Variants in KARS1 observed in about 807,000 individuals in gnomAD.
KARS1 encodes the protein lysine--tRNA ligase.
In KARS1, 50 loss-of-function variants were observed where a neutral mutation model predicts 63.9. The observed-to-expected ratio is 0.78, with a 90% CI of 0.62 to 0.99. The LOEUF (loss-of-function observed/expected upper bound fraction) is 0.99, where lower values mean the gene tolerates loss of function less well. Among genes scored for constraint, KARS1 ranks in the 50% least tolerant of loss-of-function variants. KARS1 has a pLI of 0.00. For synonymous variants in KARS1, 320 were observed against 264.6 expected, an observed-to-expected ratio of 1.21 and a Z score of -2.03; for missense variants, 816 against 754.5, an observed-to-expected ratio of 1.08 and a Z score of -0.95.
In KARS1 at chr16:75,631,495, GA is replaced by G. The variant is rs1567499005; in HGVS notation, c.1172del (p.Phe391SerfsTer7). The G allele has an allele frequency of 6.2e-7, 1 of 1,614,080 alleles. No homozygotes were observed. Among genetic ancestry groups the G allele is most frequent in the Admixed American group, 1.7e-5 (1 of 60,006 alleles). ...QAYDVDFTPP[F>X]RRINMVEELE... is the part of the protein sequence containing the mutation. The stretch of plus-strand genomic sequence containing the variant: ...GCTCTTCTACCATGTTGATTCGCCG[GA>G]AGGGTGGGGTGAAGTCAACATCGTA... On this transcript the variant is annotated frameshift_variant, in exon 9 of 14. Coordinates refer to ENST00000302445, the MANE Select transcript of KARS1 (RefSeq NM_005548.3). LOFTEE classifies it high-confidence loss of function.
chr16:75,629,636 G>A, intron 11 of KARS1, 95 bp from the exon 12 acceptor site: 4 of 1,346,554 alleles, frequency 3.0e-6, no homozygotes, highest in South Asian at 2.3e-5. Flanking sequence ...GTCTCGCTCT[G>A]TCACGCAGGC....
rs1202598972 is a variant in KARS1, at chr16:75,635,732, G to A, written c.743C>T (p.Ser248Phe). 6.2e-6 allele frequency: 10 copies of A among 1,614,030 alleles called. No homozygotes were observed. Among genetic ancestry groups the A allele is most frequent in the Non-Finnish European group, 8.5e-7 (1 of 1,179,992 alleles). Residue 248 changes from serine to phenylalanine, a missense_variant, in exon 6 of 14, where the codon TCT (serine) becomes TTT (phenylalanine). Ser to Phe is a radical substitution (Grantham distance 155, BLOSUM62 -2). Coordinates refer to ENST00000302445, the MANE Select transcript of KARS1 (RefSeq NM_005548.3). Reference sequence around the variant, plus strand: ...ACTTCTTATATATGTGATGATCTTAGAGCGGATGATAAATTTCTGCCTCAC... The same window carrying A: ...ACTTCTTATATATGTGATGATCTTAAAGCGGATGATAAATTTCTGCCTCAC... ...DFVRQKFIIR[S>F]KIITYIRSFL...
At position 75,635,857 on chromosome 16, in the gene KARS1, T is replaced by G. The variant is rs1461437974; in HGVS notation, c.670-52A>C. On this transcript the variant is annotated intron_variant, in intron 5 of 13. Transcript: ENST00000302445. Reference sequence around the variant, plus strand: ...CACTGGTATGTCTGATCCAAAGGTATGATAAAACAAACAGAAAGCTAGGAG... The same window carrying G: ...CACTGGTATGTCTGATCCAAAGGTAGGATAAAACAAACAGAAAGCTAGGAG... 5.0e-6 allele frequency: 8 copies of G among 1,613,920 alleles called. No individual in the cohort carries two copies. In the African/African-American group the frequency reaches 5.3e-5, roughly 11 times the overall value.
intron 1 of KARS1, among the ~76,000 whole-genome samples, chr16:75,644,122 T>A (rs2082254628): frequency 6.6e-6 from 1 of 152,240 alleles, no homozygotes; most frequent in Admixed American, 6.5e-5. Flanking sequence ...GATTTGAATT[T>A]ATTAAAGAGA....
In KARS1 at chr16:75,627,738, G is replaced by T. The variant is rs900391973; in HGVS notation, c.*157C>A. The T allele has an allele frequency of 1.2e-5, 8 of 660,488 alleles. No individual in the cohort carries two copies. Among genetic ancestry groups the T allele is most frequent in the Non-Finnish European group, 2.2e-5 (8 of 361,842 alleles). The allele number at this position is 660,488 out of a possible 1,614,324, so 40.9% of individuals were successfully genotyped here. Reference sequence around the variant, plus strand: ...AGACAAATGGCTTATTTGGTAACAGGATTAAAAAGAAATTTTTAATTCCTT... The same window carrying T: ...AGACAAATGGCTTATTTGGTAACAGTATTAAAAAGAAATTTTTAATTCCTT... On this transcript the variant is annotated 3_prime_UTR_variant, in exon 14 of 14. Transcript: ENST00000302445.
rs1413098028 is a variant in KARS1 at position 75,628,685 on chromosome 16, T to G, written c.1579A>C (p.Met527Leu). The G allele has an allele frequency of 3.1e-6, 5 of 1,614,076 alleles. No homozygotes were observed. The African/African-American group carries it at 6.7e-5, about 22-fold the overall frequency. ...GTACAGAAGTTTTCATCTATGAACA[T>G]GGCCTCATCATCACCTGCAGCCTTG... ...KAKAAGDDEAMFIDENFCTAL... is the reference protein window; with the variant it reads ...KAKAAGDDEALFIDENFCTAL... The change falls in exon 13 of 14, where the codon ATG (methionine) becomes CTG (leucine). Residue 527 changes from methionine (M) to leucine (L), a missense_variant. By Grantham distance (15) the Met-to-Leu change is conservative. Coordinates refer to ENST00000302445, the MANE Select transcript of KARS1 (RefSeq NM_005548.3).
In KARS1 at chr16:75,627,935, G is replaced by A. The variant is rs549619745; in HGVS notation, c.1754C>T (p.Thr585Ile). 3.5e-5 allele frequency: 56 copies of A among 1,610,726 alleles called. No homozygotes were observed. Among genetic ancestry groups the A allele is most frequent in the Non-Finnish European group, 4.5e-5 (53 of 1,177,034 alleles). ...AACTGTTGTGCTTTCCAGTGTATCA[G>A]TGGTTGCTACATTCTCCTTCTTGTC... is the stretch of plus-strand genomic sequence containing the variant. ...PEDKKENVAT[T>I]DTLESTTVGT... The change falls in exon 14 of 14, where the codon ACT becomes ATT. Residue 585 changes from threonine (T) to isoleucine (I), a missense_variant. Physicochemically the swap from Thr to Ile is moderately conservative, Grantham distance 89. Coordinates refer to ENST00000302445, the MANE Select transcript of KARS1 (RefSeq NM_005548.3).
chr16:75,629,074 G>T, intron 12 of KARS1: 1 of 466,638 alleles, frequency 2.1e-6, no homozygotes, highest in South Asian at 2.1e-5. Flanking sequence ...CAGGCAGCCT[G>T]TGGGGGTTCT....
chr16:75,634,000 T>C, intron 7 of KARS1, 173 bp downstream of exon 7: 1 of 748,078 alleles, frequency 1.3e-6, no homozygotes, highest in Non-Finnish European at 2.4e-6. Context: ...GCTCTATTAA[T>C]CTTGTAGAGA....
In KARS1 at chr16:75,631,397, G is replaced by C; in HGVS notation, c.1252+19C>G. The C allele has an allele frequency of 6.2e-7, 1 of 1,613,332 alleles. No homozygotes were observed. Reference sequence around the variant, plus strand: ...GGAAGGAGGGCCTTACAACGGAGGAGTGAGTGTTGTCACTTTACCTTCAGT... The same window carrying C: ...GGAAGGAGGGCCTTACAACGGAGGACTGAGTGTTGTCACTTTACCTTCAGT... On this transcript the variant is annotated intron_variant, in intron 9 of 13. Transcript: ENST00000302445.
At chr16:75,637,710 C>A (rs549767816) in intron 3 of KARS1, among the ~76,000 whole-genome samples, 1 of 147,446 alleles carries the variant, frequency 6.8e-6, no homozygotes, top group African/African-American at 2.5e-5. Flanking sequence ...ACCTGGGAGG[C>A]GGAGGTTGCA....
At chr16:75,638,449 T>C (rs1241909136) in intron 3 of KARS1, among the ~76,000 whole-genome samples, 1 of 152,110 alleles carries the variant, frequency 6.6e-6, no homozygotes, top group Non-Finnish European at 1.5e-5. Context: ...TGTGTTCTTA[T>C]TGTTCAACTC....
chr16:75,647,169 G>A (rs751671192), intron 1 of KARS1, among the ~76,000 whole-genome samples: 7 of 152,202 alleles, frequency 4.6e-5, no homozygotes, highest in Non-Finnish European at 7.3e-5. Flanking sequence ...AATTTTGAAG[G>A]TCTTTCTGAA....
intron 9 of KARS1, 65 bp downstream of exon 9, chr16:75,631,351 A>C: frequency 6.3e-7 from 1 of 1,583,286 alleles, no homozygotes; most frequent in Non-Finnish European, 8.7e-7. Context: ...GCTCTGACCC[A>C]ATCAAATTCA....
intron 2 of KARS1, among the ~76,000 whole-genome samples, chr16:75,640,830 T>C (rs978726346): frequency 1.9e-4 from 29 of 152,362 alleles, no homozygotes; most frequent in African/African-American, 7.0e-4. Context: ...TTCTCAACTC[T>C]GCTGTTTCAG....
chr16:75,632,986 C>T (rs1286211640), intron 7 of KARS1, among the ~76,000 whole-genome samples: 1 of 152,130 alleles, frequency 6.6e-6, no homozygotes, highest in East Asian at 1.9e-4. Context: ...TTTACCCTAC[C>T]TCCATTAACT....
chr16:75,630,332 C>T (rs560330541), intron 11 of KARS1, 91 bp downstream of exon 11: 290 of 837,888 alleles, frequency 3.5e-4, no homozygotes, highest in Admixed American at 8.0e-4. Context: ...AGCAGAAAGA[C>T]CACCAGTCAA....
chr16:75,637,035 C>A (rs1654783711), intron 3 of KARS1, among the ~76,000 whole-genome samples: 1 of 150,626 alleles, frequency 6.6e-6, no homozygotes, highest in Admixed American at 6.7e-5. Flanking sequence ...CTCAAACCAA[C>A]AATGTCCATT....
intron 1 of KARS1, among the ~76,000 whole-genome samples, chr16:75,644,830 G>A (rs901773769): frequency 6.6e-6 from 1 of 152,264 alleles, no homozygotes; most frequent in Non-Finnish European, 1.5e-5. Context: ...CCACAAGATG[G>A]CAATAGGAAG....
Sources: allele counts gnomAD v4.1 joint callset (sites outside exome capture counted in the v4.1 genomes callset), GRCh38; gene constraint gnomAD v4.1.1; transcripts MANE v1.5; gene names NCBI Gene and HGNC (gene_info 2026-07-23, HGNC 2026-07-21).